Variants in ELMOD1 observed in about 807,000 individuals in gnomAD.
ELMOD1 encodes ELMO domain containing 1, also known as ELMO domain-containing protein 1.
Under a neutral mutation model 46.7 loss-of-function variants are expected in ELMOD1, and 21 were observed. The ratio of observed to expected loss-of-function variants is 0.45; its 90% confidence interval spans 0.32 to 0.65. The LOEUF (loss-of-function observed/expected upper bound fraction) is 0.65, where lower values mean the gene tolerates loss of function less well. ELMOD1 is among the 30% of genes least tolerant of loss of function. The probability of loss-of-function intolerance (pLI) is 0.04; values close to 1 mark genes in which losing one functional copy is unlikely to be tolerated. For missense variants in ELMOD1, 348 were observed against 407.8 expected (o/e 0.85, Z 1.26); for synonymous variants, 122 against 138.2 (o/e 0.88, Z 0.82).
intron 1 of ELMOD1, among the ~76,000 whole-genome samples, chr11:107,609,342 T>C (rs1286031409): frequency 6.6e-6 from 1 of 152,248 alleles, no homozygotes; most frequent in Non-Finnish European, 1.5e-5. Flanking sequence ...GTATTTACTT[T>C]GTAGATTACC....
intron 1 of ELMOD1, among the ~76,000 whole-genome samples, chr11:107,614,207 A>G (rs1183177617): frequency 2.0e-5 from 3 of 152,146 alleles, no homozygotes; most frequent in African/African-American, 4.8e-5. Flanking sequence ...CTGTCTGTCC[A>G]TTGCCTTATC....
At chr11:107,657,179 A>G (rs1299742072) in intron 11 of ELMOD1, among the ~76,000 whole-genome samples, 1 of 152,226 alleles carries the variant, frequency 6.6e-6, no homozygotes, top group East Asian at 1.9e-4. Context: ...GTCACAATGA[A>G]TTGGGAATCA....
chr11:107,618,630 G>A (rs897357577), intron 2 of ELMOD1, among the ~76,000 whole-genome samples: 1 of 152,116 alleles, frequency 6.6e-6, no homozygotes, highest in African/African-American at 2.4e-5. Flanking sequence ...CAATCCATAT[G>A]GGCATTTTAA....
At chr11:107,653,457 T>A (rs1462507566) in intron 9 of ELMOD1, 1 of 152,220 alleles carries the variant, frequency 6.6e-6, no homozygotes, top group Non-Finnish European at 1.5e-5. Flanking sequence ...GGAGCTGCTG[T>A]GGCTTACTGA....
At chr11:107,613,186 A>G (rs1865807883) in intron 1 of ELMOD1, among the ~76,000 whole-genome samples, 1 of 152,214 alleles carries the variant, frequency 6.6e-6, no homozygotes, top group African/African-American at 2.4e-5. Context: ...TTTACTTTAG[A>G]GGAGAACATA....
Position 107,665,015 on chromosome 11 carries a change from T to C in ELMOD1, c.833-10T>C. On this transcript the variant is annotated splice_polypyrimidine_tract_variant and intron_variant, in intron 11 of 11. Coordinates refer to ENST00000265840, the MANE Select transcript of ELMOD1 (RefSeq NM_018712.4). ...CTCCTGCATTCTTATCATTGTATTG[T>C]CTCCAACAGGCTATTTGATGCATGA... 6.2e-7 allele frequency: 1 copy of C among 1,609,308 alleles called. No homozygotes were observed. Among genetic ancestry groups the C allele is most frequent in the South Asian group, 1.1e-5 (1 of 90,372 alleles).
At chr11:107,638,092 C>T (rs767213145) in intron 6 of ELMOD1, among the ~76,000 whole-genome samples, 7 of 152,226 alleles carry the variant, frequency 4.6e-5, no homozygotes, top group Admixed American at 1.3e-4. Flanking sequence ...CAGAATAAGT[C>T]GTGCCATACC....
At chr11:107,654,685 T>C (rs967632893) in intron 10 of ELMOD1, among the ~76,000 whole-genome samples, 2 of 149,502 alleles carry the variant, frequency 1.3e-5, no homozygotes, top group East Asian at 2.0e-4. Flanking sequence ...AGGAGAATGG[T>C]GTGAACCTGG....
intron 5 of ELMOD1, among the ~76,000 whole-genome samples, chr11:107,634,287 T>G (rs1294547117): frequency 6.6e-6 from 1 of 152,202 alleles, no homozygotes; most frequent in East Asian, 1.9e-4. Context: ...TACATTACTT[T>G]AGAGGCTGTA....
chr11:107,652,478 A>G lies in ELMOD1; in HGVS notation c.647+1570A>G, dbSNP rs991928556. ...GGCCAGGATATCCTATAAGTATCAAATAAGTAGAGATCATTTGGCCTTTTC... is the reference window on the plus strand; with the variant it reads ...GGCCAGGATATCCTATAAGTATCAAGTAAGTAGAGATCATTTGGCCTTTTC... On this transcript the variant is annotated intron_variant, in intron 9 of 11. Coordinates refer to ENST00000265840, the MANE Select transcript of ELMOD1 (RefSeq NM_018712.4). 3.4e-4 allele frequency among the ~76,000 whole-genome samples: 52 copies of G among 152,232 alleles called. 1 individual carries two copies. The highest frequency in any genetic ancestry group is 1.1e-3 in the African/African-American group (47 of 41,466).
intron 4 of ELMOD1, among the ~76,000 whole-genome samples, chr11:107,631,344 A>C (rs1328250514): frequency 6.6e-6 from 1 of 151,590 alleles, no homozygotes; most frequent in African/African-American, 2.4e-5. Context: ...TAAGAACAAA[A>C]CCAAAAAAAT....
At chr11:107,656,112 G>T in intron 11 of ELMOD1, 46 bp downstream of exon 11, 6 of 1,542,330 alleles carry the variant, frequency 3.9e-6, no homozygotes, top group Non-Finnish European at 4.4e-6. Flanking sequence ...TCTACGCTGG[G>T]CACGGTGGCT....
intron 1 of ELMOD1, among the ~76,000 whole-genome samples, chr11:107,611,291 G>C (rs1301453011): frequency 6.6e-6 from 1 of 152,154 alleles, no homozygotes. Flanking sequence ...AAAGTAAACA[G>C]ACAACAGACA....
intron 6 of ELMOD1, among the ~76,000 whole-genome samples, chr11:107,637,498 G>A (rs973096237): frequency 6.6e-6 from 1 of 152,054 alleles, no homozygotes; most frequent in Non-Finnish European, 1.5e-5. Context: ...TTCAAGACCA[G>A]CCTGGCCAAC....
chr11:107,625,990 C>T (rs1459354435), intron 2 of ELMOD1, among the ~76,000 whole-genome samples: 1 of 152,142 alleles, frequency 6.6e-6, no homozygotes, highest in Non-Finnish European at 1.5e-5. Context: ...AACAAAAAAA[C>T]TGCTGCCTAT....
chr11:107,631,153 A>T (rs906284505), intron 4 of ELMOD1, among the ~76,000 whole-genome samples: 4 of 151,940 alleles, frequency 2.6e-5, no homozygotes, highest in East Asian at 1.9e-4. Context: ...AAGAAAACCT[A>T]TTTTCTTTTT....
At chr11:107,654,658 A>G (rs894482365) in intron 10 of ELMOD1, among the ~76,000 whole-genome samples, 2 of 151,632 alleles carry the variant, frequency 1.3e-5, no homozygotes, top group East Asian at 3.9e-4. Flanking sequence ...AGTCCCAGCT[A>G]CTCGGGAGGC....
chr11:107,664,641 G>A (rs151085288), intron 11 of ELMOD1, among the ~76,000 whole-genome samples: 21 of 152,254 alleles, frequency 1.4e-4, no homozygotes, highest in African/African-American at 5.1e-4. Flanking sequence ...AATAAAGTCC[G>A]AGTGGAGTGA....
At chr11:107,653,723 T>G (rs1866569672) in intron 9 of ELMOD1, 1 of 151,552 alleles carries the variant, frequency 6.6e-6, no homozygotes, top group Non-Finnish European at 1.5e-5. Flanking sequence ...TTATTTGGCA[T>G]CTACAATGTA....
Sources: gnomAD v4.1 joint callset for allele counts (sites outside exome capture counted in the v4.1 genomes callset) on GRCh38, gnomAD v4.1.1 for gene constraint, MANE v1.5 for transcripts, NCBI Gene and HGNC (gene_info 2026-07-23, HGNC 2026-07-21) for gene names.